ANO10: variants seen among roughly 807,000 people sequenced by gnomAD.
ANO10 encodes anoctamin-10.
ANO10 carries 77 observed loss-of-function variants against 74.7 expected under a neutral mutation model. The observed-to-expected ratio is 1.03, with a 90% CI of 0.86 to 1.25. ANO10 has a LOEUF of 1.25. ANO10 is among the 50% of genes most tolerant of loss of function. ANO10 has a pLI of 0.00. For synonymous variants in ANO10, 279 were observed against 284.9 expected (o/e 0.98, Z 0.21); for missense variants, 721 against 778.1 (o/e 0.93, Z 0.87).
chr3:43,565,511 T>C lies in ANO10; in HGVS notation c.1293+142A>G, dbSNP rs887825399. 1.9e-5 allele frequency: 15 copies of C among 771,272 alleles called. No individual in the cohort carries two copies. The African/African-American group carries it at 2.1e-4, about 11-fold the overall frequency. The allele number at this position is 771,272 out of a possible 1,614,324, so 47.8% of individuals were successfully genotyped here. ...ACACAATGCCATTCCTAATAATTTT[T>C]TATTTAGAATTTGGCTTAAAAACAT... On this transcript the variant is annotated intron_variant, in intron 8 of 12. Coordinates refer to ENST00000292246, the MANE Select transcript of ANO10 (RefSeq NM_018075.5).
chr3:43,509,521 G>A (rs990810803), intron 11 of ANO10, among the ~76,000 whole-genome samples: 1 of 152,098 alleles, frequency 6.6e-6, no homozygotes, highest in African/African-American at 2.4e-5. Flanking sequence ...CATCAGAATG[G>A]CTAAAATAAA....
intron 4 of ANO10, among the ~76,000 whole-genome samples, chr3:43,594,410 T>C (rs2081972865): frequency 6.6e-6 from 1 of 152,120 alleles, no homozygotes; most frequent in Admixed American, 6.6e-5. Context: ...TAAAAAACTG[T>C]CTCTCAGACC....
intron 11 of ANO10, among the ~76,000 whole-genome samples, chr3:43,434,452 A>G (rs1285103619): frequency 2.0e-5 from 3 of 152,216 alleles, no homozygotes; most frequent in Non-Finnish European, 2.9e-5. Flanking sequence ...TTTATACAAG[A>G]CAATCTCTTC....
chr3:43,556,450 G>C (rs919463007), intron 9 of ANO10, among the ~76,000 whole-genome samples: 20 of 152,060 alleles, frequency 1.3e-4, no homozygotes, highest in African/African-American at 4.6e-4. Flanking sequence ...TCCACACTCT[G>C]TGTTTCCCCA....
intron 1 of ANO10, among the ~76,000 whole-genome samples, chr3:43,641,194 A>T (rs1236262692): frequency 1.3e-5 from 2 of 152,238 alleles, no homozygotes; most frequent in Non-Finnish European, 2.9e-5. Context: ...AGAATTTGAC[A>T]CAAGATTGAT....
At chr3:43,527,772 G>T (rs2078272618) in intron 11 of ANO10, among the ~76,000 whole-genome samples, 7 of 152,142 alleles carry the variant, frequency 4.6e-5, no homozygotes, top group Admixed American at 4.6e-4. Flanking sequence ...TTGGAACACA[G>T]ATAAAATCAC....
At chr3:43,560,184 C>T (rs767558972) in intron 9 of ANO10, among the ~76,000 whole-genome samples, 3 of 152,190 alleles carry the variant, frequency 2.0e-5, no homozygotes, top group Non-Finnish European at 2.9e-5. Context: ...GTAACTACAG[C>T]TATGTCAACA....
intron 2 of ANO10, among the ~76,000 whole-genome samples, chr3:43,604,713 T>C (rs768723627): frequency 6.6e-6 from 1 of 152,278 alleles, no homozygotes; most frequent in South Asian, 2.1e-4. Flanking sequence ...CCCTTCCCTG[T>C]GTGTCTCTGA....
At chr3:43,518,839 T>C (rs1055913241) in intron 11 of ANO10, among the ~76,000 whole-genome samples, 3 of 152,158 alleles carry the variant, frequency 2.0e-5, no homozygotes, top group African/African-American at 7.2e-5. Flanking sequence ...TCAATGATAA[T>C]GCGTGTCCAG....
intron 8 of ANO10, among the ~76,000 whole-genome samples, chr3:43,562,556 C>T (rs1482959639): frequency 1.3e-5 from 2 of 150,526 alleles, no homozygotes; most frequent in Non-Finnish European, 3.0e-5. Flanking sequence ...TGGCGCACAT[C>T]TGTAATCCCA....
chr3:43,485,322 C>A (rs72865013), intron 11 of ANO10: 5 of 534,432 alleles, frequency 9.4e-6, no homozygotes, highest in African/African-American at 7.7e-5. Flanking sequence ...CCTCCGGATC[C>A]GACAGGGTGT....
chr3:43,453,661 T>C (rs558050781), intron 11 of ANO10, among the ~76,000 whole-genome samples: 1 of 152,314 alleles, frequency 6.6e-6, no homozygotes, highest in Non-Finnish European at 1.5e-5. Flanking sequence ...GGGATCCAAT[T>C]TCATTTGTTT....
chr3:43,641,572 G>C (rs1287171037), intron 1 of ANO10, among the ~76,000 whole-genome samples: 1 of 152,142 alleles, frequency 6.6e-6, no homozygotes, highest in Non-Finnish European at 1.5e-5. Flanking sequence ...CACGGAAACT[G>C]AAAAAACTAC....
intron 4 of ANO10, among the ~76,000 whole-genome samples, chr3:43,594,564 GAGAATA>G (rs1324176189): frequency 2.0e-5 from 3 of 152,244 alleles, no homozygotes; most frequent in East Asian, 3.9e-4. Context: ...TGAAACCAAT[GAGAATA>G]AAGACACAAC....
chr3:43,650,020 C>T (rs2083770733), intron 1 of ANO10, among the ~76,000 whole-genome samples: 1 of 152,212 alleles, frequency 6.6e-6, no homozygotes, highest in Non-Finnish European at 1.5e-5. Flanking sequence ...TAAGTGTTAA[C>T]AAGTTCAGTG....
At chr3:43,602,239 T>C (rs2082365492) in intron 2 of ANO10, among the ~76,000 whole-genome samples, 1 of 152,192 alleles carries the variant, frequency 6.6e-6, no homozygotes, top group Non-Finnish European at 1.5e-5. Flanking sequence ...ATCCCATCTC[T>C]TGTTTGGAAG....
chr3:43,555,297 G>A lies in ANO10; in HGVS notation c.1649C>T (p.Ala550Val), dbSNP rs750611985. The A allele has an allele frequency of 6.2e-7, 1 of 1,613,824 alleles. No individual in the cohort carries two copies. The highest frequency in any genetic ancestry group is 1.1e-5 in the South Asian group (1 of 91,066). ...VFKRPFSEPS[A>V]NIGVWQLAFE... Reference sequence around the variant, plus strand: ...AATTACCTGCCACACACCAATATTGGCTGAAGGTTCTGAGAATGGACGTTT... The same window carrying A: ...AATTACCTGCCACACACCAATATTGACTGAAGGTTCTGAGAATGGACGTTT... The change falls in exon 10 of 13, where the codon GCC becomes GTC. Residue 550 changes from alanine to valine, a missense_variant. Transcript: ENST00000292246.
chr3:43,617,491 T>G (rs1341942645), intron 1 of ANO10, among the ~76,000 whole-genome samples: 1 of 151,920 alleles, frequency 6.6e-6, no homozygotes, highest in Non-Finnish European at 1.5e-5. Flanking sequence ...GCACACAGGG[T>G]CAAAGAGAGA....
chr3:43,378,050 A>G (rs2091859968), intron 12 of ANO10, among the ~76,000 whole-genome samples: 1 of 152,232 alleles, frequency 6.6e-6, no homozygotes. Flanking sequence ...AAAGAAACTC[A>G]GTTTAGAAAG....
Sources: allele counts gnomAD v4.1 joint callset (sites outside exome capture counted in the v4.1 genomes callset), GRCh38; gene constraint gnomAD v4.1.1; transcripts MANE v1.5; gene names NCBI Gene and HGNC (gene_info 2026-07-23, HGNC 2026-07-21).